CLTB: variants seen among roughly 807,000 people sequenced by gnomAD.
CLTB encodes clathrin, light chain (Lcb).
In CLTB, 10 loss-of-function variants were observed where a neutral mutation model predicts 30.5. The observed-to-expected ratio is 0.33, with a 90% CI of 0.20 to 0.56. CLTB has a LOEUF of 0.56. Ranked by LOEUF, CLTB falls within the 20% of genes least tolerant of loss-of-function variation. The pLI, the probability that CLTB is intolerant of heterozygous loss-of-function variation, is 0.91. For missense variants in CLTB, 261 were observed against 308.3 expected (o/e 0.85, Z 1.15); for synonymous variants, 102 against 120.3 (o/e 0.85, Z 1.00).
chr5:176,408,014 T>A (rs1757220111), intron 2 of CLTB, among the ~76,000 whole-genome samples: 1 of 152,142 alleles, frequency 6.6e-6, no homozygotes. Context: ...CAAGGCTCTT[T>A]GGCCCAGTCT....
chr5:176,409,760 C>G (rs570899676), intron 2 of CLTB, among the ~76,000 whole-genome samples: 2 of 152,294 alleles, frequency 1.3e-5, no homozygotes, highest in Admixed American at 1.3e-4. Context: ...TCTATCTATT[C>G]AGTTCCCTGA....
At chr5:176,413,885 C>T (rs1019827351) in intron 1 of CLTB, among the ~76,000 whole-genome samples, 1 of 152,174 alleles carries the variant, frequency 6.6e-6, no homozygotes, top group Admixed American at 6.5e-5. Flanking sequence ...GGGAGACCCT[C>T]AGAAGGCTGT....
At chr5:176,402,513 T>A (rs1756875490) in intron 2 of CLTB, among the ~76,000 whole-genome samples, 1 of 152,142 alleles carries the variant, frequency 6.6e-6, no homozygotes, top group South Asian at 2.1e-4. Flanking sequence ...TACAGCTTCC[T>A]AGGGCTTCCC....
rs1159244677 is a variant in CLTB, at chr5:176,397,665, G to C, written c.406C>G (p.Leu136Val). The C allele has an allele frequency of 1.2e-6, 2 of 1,612,762 alleles. No individual in the cohort carries two copies. Among genetic ancestry groups the C allele is most frequent in the Non-Finnish European group, 1.7e-6 (2 of 1,179,780 alleles). Residue 136 changes from leucine (L) to valine (V), a missense_variant, in exon 4 of 6, where the codon CTG becomes GTG. Transcript: ENST00000310418. ...CTCTGGCGCTGGTTCCACTCCTCCAGGTCCTTCTTGGCCTTCTCCCGCCAT... is the reference window on the plus strand; with the variant it reads ...CTCTGGCGCTGGTTCCACTCCTCCACGTCCTTCTTGGCCTTCTCCCGCCAT... ...QEWREKAKKD[L>V]EEWNQRQSEQ... is the part of the protein sequence containing the mutation.
chr5:176,414,771 C>T (rs1367464185), intron 1 of CLTB, among the ~76,000 whole-genome samples: 1 of 152,126 alleles, frequency 6.6e-6, no homozygotes, highest in Non-Finnish European at 1.5e-5. Flanking sequence ...TCTGGGCCAC[C>T]GGTTTCTTGC....
chr5:176,416,043 A>G, intron 1 of CLTB, 134 bp downstream of exon 1: 1 of 794,724 alleles, frequency 1.3e-6, no homozygotes. Flanking sequence ...ATCTCCAAGA[A>G]GATTCTTCCC....
intron 5 of CLTB, among the ~76,000 whole-genome samples, 173 bp downstream of exon 5, chr5:176,396,306 T>C (rs772854607): frequency 4.6e-5 from 7 of 152,098 alleles, no homozygotes; most frequent in Non-Finnish European, 8.8e-5. Context: ...TCCACTTCAC[T>C]GGAGGGAGGG....
chr5:176,402,412 T>C (rs753657143), intron 2 of CLTB, among the ~76,000 whole-genome samples: 2 of 152,272 alleles, frequency 1.3e-5, no homozygotes, highest in Non-Finnish European at 2.9e-5. Context: ...CCTCTATTCG[T>C]GCACTCTTGC....
chr5:176,394,592 C>T (rs12659626), intron 5 of CLTB, among the ~76,000 whole-genome samples: 85,169 of 148,926 alleles, frequency 0.57, 25,524 homozygotes, highest in Non-Finnish European at 0.66. Context: ...CCAAGGTGGG[C>T]GGATCACGAG....
At chr5:176,406,866 G>T (rs1757149008) in intron 2 of CLTB, among the ~76,000 whole-genome samples, 1 of 152,298 alleles carries the variant, frequency 6.6e-6, no homozygotes, top group African/African-American at 2.4e-5. Flanking sequence ...TGTGACCCAG[G>T]CGCTGTGGCC....
chr5:176,410,409 T>C (rs1757365015), intron 1 of CLTB, 106 bp from the exon 2 acceptor site: 1 of 816,604 alleles, frequency 1.2e-6, no homozygotes, highest in Non-Finnish European at 2.0e-6. Flanking sequence ...TACCCATGTA[T>C]ATATCGACCC....
chr5:176,398,363 G>A (rs762585128), intron 2 of CLTB, among the ~76,000 whole-genome samples: 14 of 152,104 alleles, frequency 9.2e-5, no homozygotes, highest in Non-Finnish European at 1.6e-4. Context: ...TCATAAAATG[G>A]GCTAAATAAC....
Position 176,393,071 on chromosome 5 carries a change from CTT to C in CLTB, c.519-128_519-127del. ...CCTCCCCAGCCTTGTGCCCCCCTGA[CTT>C]CAGAGGAGGGCAGCCTTGGCGCAGG... On this transcript the variant is annotated intron_variant, in intron 5 of 5. Coordinates refer to ENST00000310418, the MANE Select transcript of CLTB (RefSeq NM_007097.5). The surrounding 1 kb of genome is among the most constrained non-coding windows in gnomAD (Gnocchi z 4.4). 9.3e-7 allele frequency: 1 copy of C among 1,077,340 alleles called. No individual in the cohort carries two copies. The highest frequency in any genetic ancestry group is 1.4e-6 in the Non-Finnish European group (1 of 724,376). 66.7% of individuals were successfully genotyped at this position (1,077,340 alleles called of 1,614,324 possible).
chr5:176,392,971 T>C lies in CLTB; in HGVS notation c.519-26A>G. 1 of 1,613,748 alleles carries C rather than the reference T, an allele frequency of 6.2e-7. No homozygotes were observed. Among genetic ancestry groups the C allele is most frequent in the East Asian group, 2.2e-5 (1 of 44,874 alleles). On this transcript the variant is annotated intron_variant, in intron 5 of 5. Transcript: ENST00000310418. The surrounding 1 kb of genome is among the most constrained non-coding windows in gnomAD (Gnocchi z 5.2). The stretch of plus-strand genomic sequence containing the variant: ...CTGCGGGTGGAGATAGGACGGGCTT[T>C]TATAGCAGTCTGCTTTCCCCCAGCC...
chr5:176,409,533 C>A lies in CLTB; in HGVS notation c.234+724G>T, dbSNP rs530340211. The stretch of plus-strand genomic sequence containing the variant: ...GGTTCAAGTGATTCTCCTGCCTTAG[C>A]CTCCCGAGTAGCTGGAATTACAGGC... On this transcript the variant is annotated intron_variant, in intron 2 of 5. Transcript: ENST00000310418. Among the ~76,000 whole-genome samples the A allele has an allele frequency of 7.3e-5, 11 of 151,556 alleles. No homozygotes were observed. In the South Asian group the frequency reaches 2.3e-3, roughly 32 times the overall value.
chr5:176,406,099 A>T (rs1757108979), intron 2 of CLTB: 1 of 959,876 alleles, frequency 1.0e-6, no homozygotes, highest in African/African-American at 1.8e-5. Context: ...CCCTGTCCCC[A>T]CCCCTACCCT....
intron 2 of CLTB, among the ~76,000 whole-genome samples, chr5:176,403,854 G>A (rs1430170507): frequency 2.0e-5 from 3 of 152,134 alleles, no homozygotes; most frequent in African/African-American, 2.4e-5. Context: ...CCGCCTTTCC[G>A]GGTTTGAGAG....
At chr5:176,395,921 G>A (rs1756499792) in intron 5 of CLTB, among the ~76,000 whole-genome samples, 1 of 152,172 alleles carries the variant, frequency 6.6e-6, no homozygotes, top group African/African-American at 2.4e-5. Flanking sequence ...GATCACCTGA[G>A]GTCAGGAGTT....
chr5:176,402,438 G>A (rs1756870167), intron 2 of CLTB, among the ~76,000 whole-genome samples: 1 of 152,212 alleles, frequency 6.6e-6, no homozygotes. Context: ...TGGCCTTCAT[G>A]CAAGCTCATC....
Sources: allele counts gnomAD v4.1 joint callset (sites outside exome capture counted in the v4.1 genomes callset), GRCh38; gene constraint gnomAD v4.1.1; non-coding constraint Gnocchi (gnomAD v3.1); transcripts MANE v1.5; gene names NCBI Gene and HGNC (gene_info 2026-07-23, HGNC 2026-07-21).